The following ANKS4B variants were observed in gnomAD, a reference collection of about 807,000 sequenced individuals.
ANKS4B encodes the protein ankyrin repeat and SAM domain-containing protein 4B.
ANKS4B carries 21 observed loss-of-function variants against 20.2 expected under a neutral mutation model. The observed-to-expected ratio is 1.04, with a 90% CI of 0.74 to 1.50. ANKS4B has a LOEUF of 1.50. ANKS4B is among the 40% of genes most tolerant of loss of function. ANKS4B has a pLI of 0.00. For missense variants in ANKS4B, 473 were observed against 494.6 expected (o/e 0.96, Z 0.41); for synonymous variants, 179 against 194.5 (o/e 0.92, Z 0.66).
rs1407878543 is a variant in ANKS4B, at chr16:21,250,846, G to C, written c.*26G>C. On this transcript the variant is annotated 3_prime_UTR_variant, in exon 2 of 2. Transcript: ENST00000311620. ...TGGAGAGTTTTGGCCTGGAGCATTG[G>C]GGTGATGCTGTGGCCCGCTGGCAGC... is the stretch of plus-strand genomic sequence containing the variant. 2.6e-6 allele frequency: 4 copies of C among 1,557,500 alleles called. No individual in the cohort carries two copies. Among genetic ancestry groups the C allele is most frequent in the Admixed American group, 3.7e-5 (2 of 54,742 alleles).
At chr16:21,243,613 C>G (rs937506127) in intron 1 of ANKS4B, among the ~76,000 whole-genome samples, 1 of 152,030 alleles carries the variant, frequency 6.6e-6, no homozygotes, top group Non-Finnish European at 1.5e-5. Flanking sequence ...GCTCTGTTGC[C>G]TGGGCTGGAG....
At chr16:21,243,641 A>T (rs372003215) in intron 1 of ANKS4B, among the ~76,000 whole-genome samples, 1 of 151,980 alleles carries the variant, frequency 6.6e-6, no homozygotes, top group Non-Finnish European at 1.5e-5. Context: ...GTGTGATCTC[A>T]GCTCACTGCA....
chr16:21,245,698 C>G (rs2093331468), intron 1 of ANKS4B, among the ~76,000 whole-genome samples: 1 of 152,090 alleles, frequency 6.6e-6, no homozygotes, highest in Non-Finnish European at 1.5e-5. Flanking sequence ...CTCCTGGCCT[C>G]CAGTGATCCA....
chr16:21,236,630 C>T (rs1246154424), intron 1 of ANKS4B, among the ~76,000 whole-genome samples: 3 of 152,048 alleles, frequency 2.0e-5, no homozygotes, highest in South Asian at 2.1e-4. Context: ...AGGCTGGTCT[C>T]GAACTCCTGA....
In ANKS4B at chr16:21,250,863, G is replaced by A. The variant is rs373623228; in HGVS notation, c.*43G>A. ...GAGCATTGGGGTGATGCTGTGGCCC[G>A]CTGGCAGCACTCCAGGCGGCACCCC... On this transcript the variant is annotated 3_prime_UTR_variant, in exon 2 of 2. Coordinates refer to ENST00000311620, the MANE Select transcript of ANKS4B (RefSeq NM_145865.3). The A allele has an allele frequency of 4.3e-5, 66 of 1,539,396 alleles. No homozygotes were observed. The highest frequency in any genetic ancestry group is 3.2e-4 in the East Asian group (14 of 43,952).
intron 1 of ANKS4B, among the ~76,000 whole-genome samples, chr16:21,240,792 C>CTT (rs996227583): frequency 2.1e-5 from 3 of 144,762 alleles, no homozygotes; most frequent in Non-Finnish European, 3.1e-5. Context: ...ATAATTTCAA[C>CTT]TTTTTTTTTT....
rs908061252 is a variant in ANKS4B at position 21,250,474 on chromosome 16, T to A, written c.908T>A (p.Leu303His). Reference sequence around the variant, plus strand: ...GGTTTTAAACTGCCCAGTGAATTGCTTCAAAGACAAGGAGCATCAGAGGCT... The same window carrying A: ...GGTTTTAAACTGCCCAGTGAATTGCATCAAAGACAAGGAGCATCAGAGGCT... ...EFGFKLPSEL[L>H]QRQGASEADE... The change falls in exon 2 of 2, where the codon CTT (leucine) becomes CAT (histidine). Residue 303 changes from leucine to histidine, a missense_variant. Transcript: ENST00000311620. 2.5e-6 allele frequency: 4 copies of A among 1,613,964 alleles called. No homozygotes were observed. Among genetic ancestry groups the A allele is most frequent in the African/African-American group, 2.7e-5 (2 of 74,924 alleles).
intron 1 of ANKS4B, among the ~76,000 whole-genome samples, chr16:21,240,263 T>A (rs2093324902): frequency 6.6e-6 from 1 of 152,146 alleles, no homozygotes; most frequent in Non-Finnish European, 1.5e-5. Flanking sequence ...TTTTATTTTT[T>A]AAAATGGAAA....
At chr16:21,242,478 G>A (rs535890134) in intron 1 of ANKS4B, among the ~76,000 whole-genome samples, 6 of 152,148 alleles carry the variant, frequency 3.9e-5, no homozygotes, top group South Asian at 2.1e-4. Context: ...GAGCCACTGC[G>A]CCCAGCCTCT....
At chr16:21,245,657 GT>G (rs374271729) in intron 1 of ANKS4B, among the ~76,000 whole-genome samples, 55 of 152,106 alleles carry the variant, frequency 3.6e-4, no homozygotes, top group African/African-American at 1.2e-3. Flanking sequence ...TAGAGATGGG[GT>G]TTCACCATGT....
intron 1 of ANKS4B, 45 bp from the exon 2 acceptor site, chr16:21,249,686 G>GA: frequency 6.5e-7 from 1 of 1,538,714 alleles, no homozygotes; most frequent in South Asian, 1.3e-5. Flanking sequence ...TGCGTTCAGA[G>GA]AAAAAAAGTC....
chr16:21,242,300 C>T (rs772845015), intron 1 of ANKS4B, among the ~76,000 whole-genome samples: 37 of 152,170 alleles, frequency 2.4e-4, no homozygotes, highest in Non-Finnish European at 5.0e-4. Context: ...AATTCTCCTG[C>T]CTCAGCCCTC....
At chr16:21,239,117 G>T (rs1449560446) in intron 1 of ANKS4B, among the ~76,000 whole-genome samples, 1 of 152,196 alleles carries the variant, frequency 6.6e-6, no homozygotes, top group Non-Finnish European at 1.5e-5. Context: ...ACAGATGCTG[G>T]TGAGGTTGAG....
chr16:21,249,248 C>T (rs1485361656), intron 1 of ANKS4B, among the ~76,000 whole-genome samples: 2 of 152,196 alleles, frequency 1.3e-5, no homozygotes, highest in African/African-American at 2.4e-5. Flanking sequence ...ATTTGGGACG[C>T]CAAGGCAAGC....
rs1041205199 is a variant in ANKS4B at position 21,252,003 on chromosome 16, C to T, written c.*1183C>T. The T allele has an allele frequency of 6.8e-6, 1 of 147,966 alleles. No individual in the cohort carries two copies. The highest frequency in any genetic ancestry group is 2.5e-5 in the African/African-American group (1 of 39,594). 9.2% of individuals were successfully genotyped at this position (147,966 alleles called of 1,614,324 possible). A position where few individuals can be genotyped will look rare whatever the true frequency, so the allele number is the denominator to read the frequency against. On this transcript the variant is annotated 3_prime_UTR_variant, in exon 2 of 2. Coordinates refer to ENST00000311620, the MANE Select transcript of ANKS4B (RefSeq NM_145865.3). The stretch of plus-strand genomic sequence containing the variant: ...CTGGAGTGCAGTGGCGTGATCTCAG[C>T]TCACTGCAACCCCCGCCTCCCAGGT...
At position 21,249,975 on chromosome 16, in the gene ANKS4B, G is replaced by A. The variant is rs755944132; in HGVS notation, c.409G>A (p.Glu137Lys). The change falls in exon 2 of 2, where the codon GAG becomes AAG. Residue 137 changes from glutamate to lysine, a missense_variant. By Grantham distance (56) the Glu-to-Lys change is moderately conservative (BLOSUM62 1). Coordinates refer to ENST00000311620, the MANE Select transcript of ANKS4B (RefSeq NM_145865.3). ...MNPKKVTRLKEQAQKNARRQI... is the reference protein window; with the variant it reads ...MNPKKVTRLKKQAQKNARRQI... ...CCCCAAGAAGGTCACCAGGCTGAAG[G>A]AGCAGGCTCAGAAGAATGCCAGGAG... 48 of 1,614,092 alleles carry A rather than the reference G, an allele frequency of 3.0e-5. No individual in the cohort carries two copies. The highest frequency in any genetic ancestry group is 3.9e-5 in the Non-Finnish European group (46 of 1,180,042).
chr16:21,244,141 T>C (rs1273162757), intron 1 of ANKS4B: 1 of 151,328 alleles, frequency 6.6e-6, no homozygotes, highest in Admixed American at 6.6e-5. Context: ...GAAGCCATCA[T>C]TCTCAGCAAA....
rs770272398 is a variant in ANKS4B, at chr16:21,250,012, A to G, written c.446A>G (p.Glu149Gly). 5 of 1,614,210 alleles carry G rather than the reference A, an allele frequency of 3.1e-6. No homozygotes were observed. The South Asian group carries it at 4.4e-5, about 14-fold the overall frequency. ...AAGAATGCCAGGAGGCAGATCAAAG[A>G]GTGTGAGAGGCTCCAGGAGAAGCAC... ...AQKNARRQIK[E>G]CERLQEKHQN... Residue 149 changes from glutamate to glycine, a missense_variant, in exon 2 of 2, where the codon GAG (glutamate) becomes GGG (glycine). Transcript: ENST00000311620.
chr16:21,249,769 C>T lies in ANKS4B; in HGVS notation c.203C>T (p.Pro68Leu). 1 of 1,614,096 alleles carries T rather than the reference C, an allele frequency of 6.2e-7. No individual in the cohort carries two copies. The highest frequency in any genetic ancestry group is 8.5e-7 in the Non-Finnish European group (1 of 1,179,996). Residue 68 changes from proline to leucine, a missense_variant, in exon 2 of 2, where the codon CCT (proline) becomes CTT (leucine). Physicochemically the swap from Pro to Leu is moderately conservative, Grantham distance 98. Coordinates refer to ENST00000311620, the MANE Select transcript of ANKS4B (RefSeq NM_145865.3). ...AGGTGTGACATCTGGGGAAACACTC[C>T]TCTACATTTTGCAGCCTCCAATGGC... ...PDRCDIWGNTPLHFAASNGHA... is the reference protein window; with the variant it reads ...PDRCDIWGNTLLHFAASNGHA...
Sources: allele counts gnomAD v4.1 joint callset (sites outside exome capture counted in the v4.1 genomes callset), GRCh38; gene constraint gnomAD v4.1.1; transcripts MANE v1.5; gene names NCBI Gene and HGNC (gene_info 2026-07-23, HGNC 2026-07-21).